Variants in FAM135A observed in about 807,000 individuals in gnomAD.
The protein encoded by FAM135A is protein FAM135A.
In FAM135A, 79 loss-of-function variants were observed where a neutral mutation model predicts 146.8. The observed-to-expected ratio is 0.54, with a 90% CI of 0.45 to 0.65. The LOEUF is 0.65. FAM135A is among the 30% of genes least tolerant of loss of function. The pLI is 0.00. For synonymous variants in FAM135A, 562 were observed against 603.6 expected (o/e 0.93, Z 1.01); for missense variants, 1,623 against 1,758.2 (o/e 0.92, Z 1.38).
intron 20 of FAM135A, among the ~76,000 whole-genome samples, chr6:70,543,082 T>C (rs1459416239): frequency 2.0e-5 from 3 of 152,228 alleles, no homozygotes; most frequent in Non-Finnish European, 4.4e-5. Flanking sequence ...ATAGCTCTTC[T>C]AGTGTACACC....
intron 21 of FAM135A, among the ~76,000 whole-genome samples, chr6:70,557,889 G>C (rs1582949348): frequency 2.0e-5 from 3 of 152,010 alleles, no homozygotes; most frequent in South Asian, 4.2e-4. Flanking sequence ...CTGCTACATG[G>C]TAAGTACTCC....
At chr6:70,469,973 A>C (rs999435289) in intron 5 of FAM135A, among the ~76,000 whole-genome samples, 1 of 151,760 alleles carries the variant, frequency 6.6e-6, no homozygotes, top group African/African-American at 2.4e-5. Context: ...GCCTGGGCAC[A>C]GAGTAAGACT....
chr6:70,414,000 C>G (rs1220744953), intron 1 of FAM135A: 1 of 985,576 alleles, frequency 1.0e-6, no homozygotes, highest in African/African-American at 1.7e-5. Context: ...CTTCCTGAAC[C>G]TCGCGCCTAG....
In FAM135A at chr6:70,559,963, C is replaced by A; in HGVS notation, c.*42C>A. ...GCGACTGGACAATTACCTCATTCAA[C>A]AATGTTTCAAATAATGTATTATATT... On this transcript the variant is annotated 3_prime_UTR_variant, in exon 22 of 22. Coordinates refer to ENST00000418814, the MANE Select transcript of FAM135A (RefSeq NM_001162529.3). 6.9e-7 allele frequency: 1 copy of A among 1,440,998 alleles called. No homozygotes were observed. The highest frequency in any genetic ancestry group is 9.6e-7 in the Non-Finnish European group (1 of 1,039,716). 89.3% of individuals were successfully genotyped at this position (1,440,998 alleles called of 1,614,324 possible).
intron 4 of FAM135A, among the ~76,000 whole-genome samples, chr6:70,439,528 G>A (rs1231558664): frequency 6.6e-6 from 1 of 151,952 alleles, no homozygotes; most frequent in Non-Finnish European, 1.5e-5. Flanking sequence ...AACATATAAT[G>A]GGATTTATCT....
chr6:70,545,349 A>G (rs1448178059), intron 20 of FAM135A, among the ~76,000 whole-genome samples: 1 of 152,198 alleles, frequency 6.6e-6, no homozygotes, highest in Non-Finnish European at 1.5e-5. Flanking sequence ...ACGGTGGCTC[A>G]TGCATGTAAT....
At chr6:70,489,248 T>A (rs1785351891) in intron 10 of FAM135A, among the ~76,000 whole-genome samples, 1 of 152,138 alleles carries the variant, frequency 6.6e-6, no homozygotes, top group South Asian at 2.1e-4. Context: ...CTGTTGCTGG[T>A]TTTTTAGTTT....
intron 4 of FAM135A, among the ~76,000 whole-genome samples, chr6:70,447,650 G>T (rs1776071280): frequency 6.6e-6 from 1 of 152,202 alleles, no homozygotes; most frequent in Non-Finnish European, 1.5e-5. Context: ...TTGGAATGGG[G>T]CCCAGGATGG....
At chr6:70,426,104 C>A (rs933445695) in intron 2 of FAM135A, among the ~76,000 whole-genome samples, 59 of 141,434 alleles carry the variant, frequency 4.2e-4, no homozygotes, top group African/African-American at 1.6e-3. Context: ...AGCGAGACTC[C>A]GTCTCAAAAA....
At chr6:70,445,117 A>G (rs1001445668) in intron 4 of FAM135A, among the ~76,000 whole-genome samples, 1 of 152,026 alleles carries the variant, frequency 6.6e-6, no homozygotes, top group Non-Finnish European at 1.5e-5. Context: ...GAATACATAA[A>G]CAAGGGTGGG....
In FAM135A at chr6:70,541,017, A is replaced by G. The variant is rs73485159; in HGVS notation, c.4228+2616A>G. 7.4e-3 allele frequency among the ~76,000 whole-genome samples: 1,123 copies of G among 152,248 alleles called. 20 individuals are homozygous for G. Among genetic ancestry groups the G allele is most frequent in the African/African-American group, 0.026 (1,080 of 41,520 alleles). On this transcript the variant is annotated intron_variant, in intron 20 of 21. Transcript: ENST00000418814. ...TTTGAAGTTCAAGACATTTCTTTCT[A>G]CCTACCAACATTAATTAACCTATGT...
Position 70,517,412 on chromosome 6 carries a change from T to G in FAM135A, c.1030-5101T>G, listed in dbSNP as rs569493681. 3.4e-5 allele frequency among the ~76,000 whole-genome samples: 5 copies of G among 148,788 alleles called. No individual in the cohort carries two copies. In the East Asian group the frequency reaches 9.8e-4, roughly 29 times the overall value. On this transcript the variant is annotated intron_variant, in intron 12 of 21. Transcript: ENST00000418814. Reference sequence around the variant, plus strand: ...CAGGCATGGTGGTGTGCACGTCTTTTTCCTTTTTTTTTTTTTTTTTTTTTA... The same window carrying G: ...CAGGCATGGTGGTGTGCACGTCTTTGTCCTTTTTTTTTTTTTTTTTTTTTA...
In FAM135A at chr6:70,428,332, A is replaced by G; in HGVS notation, c.-11A>G. 1 of 1,591,284 alleles carries G rather than the reference A, an allele frequency of 6.3e-7. No homozygotes were observed. The highest frequency in any genetic ancestry group is 8.6e-7 in the Non-Finnish European group (1 of 1,168,136). On this transcript the variant is annotated 5_prime_UTR_variant, in exon 4 of 22. Transcript: ENST00000418814. ...CTGTTATCAGAATAGTCTTCTGGGT[A>G]TAAATTAAAAATGACTGAAGTTCAA...
In FAM135A at chr6:70,475,515, T is replaced by A; in HGVS notation, c.263T>A (p.Ile88Asn). The A allele has an allele frequency of 6.2e-7, 1 of 1,601,262 alleles. No individual in the cohort carries two copies. Among genetic ancestry groups the A allele is most frequent in the Non-Finnish European group, 8.5e-7 (1 of 1,174,430 alleles). ...GAGGTTGTTTTAAATGATGTTATGA[T>A]CTTCAAAGTAAAAATGCTATTGGAT... is the stretch of plus-strand genomic sequence containing the variant. ...NEEVVLNDVM[I>N]FKVKMLLDER... is the part of the protein sequence containing the mutation. Residue 88 changes from isoleucine to asparagine, a missense_variant, in exon 6 of 22, where the codon ATC becomes AAC. Physicochemically the swap from Ile to Asn is moderately radical, Grantham distance 149. This residue lies in a region of FAM135A where 171 missense variants were observed against 164.9 expected (regional missense o/e 1.04). Transcript: ENST00000418814.
chr6:70,435,109 ATTTTT>A (rs1213346179), intron 4 of FAM135A, among the ~76,000 whole-genome samples: 5 of 64,722 alleles, frequency 7.7e-5, no homozygotes, highest in South Asian at 5.0e-4. Context: ...ATATATATAT[ATTTTT>A]TTTTTTTTTT....
chr6:70,524,987 G>C lies in FAM135A; in HGVS notation c.1903G>C (p.Ala635Pro). 1 of 1,602,272 alleles carries C rather than the reference G, an allele frequency of 6.2e-7. No individual in the cohort carries two copies. Among genetic ancestry groups the C allele is most frequent in the Non-Finnish European group, 8.5e-7 (1 of 1,175,522 alleles). ...AATTACACAAATGGAACACAATCTG[G>C]CATCCAGAAGGTCATCAGACGATTG... Reference protein sequence around the residue: ...SEITQMEHNLASRRSSDDCHD... With the variant: ...SEITQMEHNLPSRRSSDDCHD... Residue 635 changes from alanine (A) to proline (P), a missense_variant, in exon 15 of 22, where the codon GCA (alanine) becomes CCA (proline). Around this residue, in one of 7 missense-constraint regions of FAM135A, gnomAD observed 1,061 missense variants for 1,113.8 expected, o/e 0.95. Coordinates refer to ENST00000418814, the MANE Select transcript of FAM135A (RefSeq NM_001162529.3).
intron 21 of FAM135A, among the ~76,000 whole-genome samples, chr6:70,558,991 A>G (rs1220583094): frequency 6.6e-6 from 1 of 152,220 alleles, no homozygotes; most frequent in Admixed American, 6.5e-5. Context: ...CCACAGAAAC[A>G]TCTTTAAAGT....
At chr6:70,548,888 A>G (rs1054218657) in intron 20 of FAM135A, among the ~76,000 whole-genome samples, 1 of 152,010 alleles carries the variant, frequency 6.6e-6, no homozygotes, top group Non-Finnish European at 1.5e-5. Context: ...AAAATGGACA[A>G]AAGAGAAAAG....
chr6:70,443,688 C>T (rs1028555058), intron 4 of FAM135A, among the ~76,000 whole-genome samples: 1 of 152,130 alleles, frequency 6.6e-6, no homozygotes, highest in Non-Finnish European at 1.5e-5. Context: ...TGAAAGTGAA[C>T]TCTTTTTGCA....
Sources: allele counts gnomAD v4.1 joint callset (sites outside exome capture counted in the v4.1 genomes callset), GRCh38; gene constraint gnomAD v4.1.1; regional missense constraint gnomAD v4.1.1; transcripts MANE v1.5; gene names NCBI Gene and HGNC (gene_info 2026-07-23, HGNC 2026-07-21).